The following PDLIM3 variants were observed in gnomAD, a reference collection of about 807,000 sequenced individuals.
PDLIM3 encodes PDZ and LIM domain 3, also known as PDZ and LIM domain protein 3.
A neutral mutation model predicts 37.3 loss-of-function variants in PDLIM3; 36 were observed. The ratio of observed to expected loss-of-function variants is 0.97; its 90% CI spans 0.74 to 1.28. The LOEUF (loss-of-function observed/expected upper bound fraction) is 1.28. Among genes scored for constraint, PDLIM3 ranks in the 50% most tolerant of loss-of-function variants. The pLI is 0.00. For missense variants in PDLIM3, 454 were observed against 485.0 expected (o/e 0.94, Z 0.60); for synonymous variants, 174 against 182.4 (o/e 0.95, Z 0.37).
intron 1 of PDLIM3, among the ~76,000 whole-genome samples, chr4:185,533,800 T>C (rs1442188763): frequency 6.6e-6 from 1 of 152,212 alleles, no homozygotes; most frequent in Non-Finnish European, 1.5e-5. Context: ...CATACGATTA[T>C]ACTATAATAG....
chr4:185,506,795 G>C (rs896817747), intron 5 of PDLIM3, 143 bp from the exon 6 acceptor site: 4 of 708,238 alleles, frequency 5.6e-6, no homozygotes, highest in Non-Finnish European at 9.5e-6. Context: ...TGAATCTCTA[G>C]TATAGTTAAA....
rs2153330466 is a variant in PDLIM3 at position 185,502,149 on chromosome 4, A to T, written c.*145T>A. 11 of 853,808 alleles carry T rather than the reference A, an allele frequency of 1.3e-5. No individual in the cohort carries two copies. The South Asian group carries it at 1.4e-4, about 11-fold the overall frequency. The allele number at this position is 853,808 out of a possible 1,614,324, so 52.9% of individuals were successfully genotyped here. A position where few individuals can be genotyped will look rare whatever the true frequency, so the allele number is the denominator to read the frequency against. On this transcript the variant is annotated 3_prime_UTR_variant, in exon 8 of 8. Transcript: ENST00000284767. ...CATTTGCCTCCCATTCCTTTTCCTC[A>T]ATAAACAATAGGATAAAGGTCTAAA...
chr4:185,514,484 G>C lies in PDLIM3; in HGVS notation c.331-147C>G. 1.3e-6 allele frequency: 2 copies of C among 1,505,072 alleles called. No individual in the cohort carries two copies. 93.2% of individuals were successfully genotyped at this position (1,505,072 alleles called of 1,614,324 possible). A position where few individuals can be genotyped will look rare whatever the true frequency, so the allele number is the denominator to read the frequency against. On this transcript the variant is annotated intron_variant, in intron 3 of 7. Coordinates refer to ENST00000284767, the MANE Select transcript of PDLIM3 (RefSeq NM_014476.6). This position sits in a 1 kb window ranked among gnomAD's most constrained non-coding sequence, Gnocchi z 4.0. ...AAGGCGATGACGGGACCAGGACGATGTCTTCTTTCCAACCATCTATCCGCT... is the reference window on the plus strand; with the variant it reads ...AAGGCGATGACGGGACCAGGACGATCTCTTCTTTCCAACCATCTATCCGCT...
At position 185,513,008 on chromosome 4, in the gene PDLIM3, C is replaced by T. The variant is rs532342903; in HGVS notation, c.398+1262G>A. On this transcript the variant is annotated intron_variant, in intron 4 of 7. Coordinates refer to ENST00000284767, the MANE Select transcript of PDLIM3 (RefSeq NM_014476.6). ...CACTTGCTTGGGAAATGTTGTGCAC[C>T]CTCAGGATTTGATTCCTTTATCCAG... 16 of 985,294 alleles carry T rather than the reference C, an allele frequency of 1.6e-5. No homozygotes were observed. The East Asian group carries it at 1.4e-3, about 84-fold the overall frequency. 61.0% of individuals were successfully genotyped at this position (985,294 alleles called of 1,614,324 possible). A position where few individuals can be genotyped will look rare whatever the true frequency, so the allele number is the denominator to read the frequency against.
At chr4:185,502,576 T>C (rs894362792) in intron 7 of PDLIM3, 93 bp from the exon 8 acceptor site, 3 of 1,182,112 alleles carry the variant, frequency 2.5e-6, no homozygotes, top group East Asian at 2.4e-5. Flanking sequence ...AGATGTTCTC[T>C]ATTTCACAGT....
chr4:185,532,500 G>C (rs186879886), intron 1 of PDLIM3, among the ~76,000 whole-genome samples: 7 of 152,308 alleles, frequency 4.6e-5, no homozygotes, highest in Admixed American at 2.0e-4. Context: ...CAGGCACAGA[G>C]GACAGTGGTG....
At chr4:185,525,530 T>A (rs538525378) in intron 1 of PDLIM3, among the ~76,000 whole-genome samples, 1 of 152,334 alleles carries the variant, frequency 6.6e-6, no homozygotes, top group Non-Finnish European at 1.5e-5. Context: ...TATTTAGGCA[T>A]CTTTTACATT....
intron 2 of PDLIM3, among the ~76,000 whole-genome samples, chr4:185,524,373 A>G (rs2095729067): frequency 6.6e-6 from 1 of 152,220 alleles, no homozygotes. Context: ...CAGGATAAAC[A>G]CACACTAACA....
intron 3 of PDLIM3, among the ~76,000 whole-genome samples, chr4:185,518,862 C>A (rs2095718676): frequency 6.6e-6 from 1 of 152,200 alleles, no homozygotes; most frequent in Admixed American, 6.5e-5. Context: ...TCTTCTCTGG[C>A]AAGGATGCAA....
In PDLIM3 at chr4:185,502,307, T is replaced by C. The variant is rs779267023; in HGVS notation, c.1082A>G (p.Tyr361Cys). 3.7e-6 allele frequency: 6 copies of C among 1,614,118 alleles called. No individual in the cohort carries two copies. The East Asian group carries it at 8.9e-5, about 24-fold the overall frequency. Residue 361 changes from tyrosine (Y) to cysteine (C), a missense_variant, in exon 8 of 8, where the codon TAT becomes TGT. Coordinates refer to ENST00000284767, the MANE Select transcript of PDLIM3 (RefSeq NM_014476.6). ...GCCTGCAGAGACTTAAGCTTTGGGA[T>C]ACAGAGTGACCGTGTCATAGCCCTC... Reference protein sequence around the residue: ...PPEGYDTVTLYPKA With the variant: ...PPEGYDTVTLCPKA
intron 5 of PDLIM3, among the ~76,000 whole-genome samples, chr4:185,508,048 C>T (rs2095700680): frequency 6.6e-6 from 1 of 152,206 alleles, no homozygotes; most frequent in African/African-American, 2.4e-5. Flanking sequence ...ACACATAAAG[C>T]TCTACAGATA....
rs757988386 is a variant in PDLIM3, at chr4:185,524,987, G to T, written c.245+33C>A. 1.2e-4 allele frequency: 189 copies of T among 1,609,456 alleles called. 1 individual carries two copies. In the Admixed American group the frequency reaches 3.1e-3, roughly 26 times the overall value. On this transcript the variant is annotated intron_variant, in intron 2 of 7. Coordinates refer to ENST00000284767, the MANE Select transcript of PDLIM3 (RefSeq NM_014476.6). ...CTGGTTCAGGTTCTCCTGCAAAACAGATCAGATTTAAGCACCATTAGTTAA... is the reference window on the plus strand; with the variant it reads ...CTGGTTCAGGTTCTCCTGCAAAACATATCAGATTTAAGCACCATTAGTTAA...
intron 4 of PDLIM3, among the ~76,000 whole-genome samples, chr4:185,511,863 A>G (rs2095707103): frequency 1.3e-5 from 2 of 152,280 alleles, no homozygotes; most frequent in East Asian, 3.9e-4. Flanking sequence ...TTGTATGCAT[A>G]TATCAAAACA....
In PDLIM3 at chr4:185,506,717, A is replaced by G. The variant is rs2306706; in HGVS notation, c.663-65T>C. ...GGAGGCACCAGACGTGCAAGAGGCCAGAGACATCAATACTCAGCCATTACT... is the reference window on the plus strand; with the variant it reads ...GGAGGCACCAGACGTGCAAGAGGCCGGAGACATCAATACTCAGCCATTACT... On this transcript the variant is annotated intron_variant, in intron 5 of 7. Coordinates refer to ENST00000284767, the MANE Select transcript of PDLIM3 (RefSeq NM_014476.6). The G allele has an allele frequency of 0.15, 225,349 of 1,513,950 alleles. 18,010 individuals are homozygous for G. Among genetic ancestry groups the G allele is most frequent in the Middle Eastern group, 0.28 (1,607 of 5,778 alleles). 93.8% of individuals were successfully genotyped at this position (1,513,950 alleles called of 1,614,324 possible).
At chr4:185,519,453 T>C (rs2153337197) in intron 3 of PDLIM3, among the ~76,000 whole-genome samples, 1 of 152,100 alleles carries the variant, frequency 6.6e-6, no homozygotes, top group South Asian at 2.1e-4. Context: ...ATCTGGCTAA[T>C]TTTTTGTATT....
intron 4 of PDLIM3, chr4:185,512,711 G>A: frequency 1.0e-6 from 1 of 985,086 alleles, no homozygotes; most frequent in African/African-American, 1.7e-5. Context: ...GGTGGACTCA[G>A]TCACACTAAC....
chr4:185,511,421 G>A lies in PDLIM3; in HGVS notation c.398+2849C>T, dbSNP rs532390248. 2.6e-5 allele frequency among the ~76,000 whole-genome samples: 4 copies of A among 151,266 alleles called. No individual in the cohort carries two copies. In the South Asian group the frequency reaches 8.3e-4, roughly 32 times the overall value. On this transcript the variant is annotated intron_variant, in intron 4 of 7. Coordinates refer to ENST00000284767, the MANE Select transcript of PDLIM3 (RefSeq NM_014476.6). ...TCTGTTACCCATCTGGAGTGCAGTG[G>A]TGCAATCTTGGCTCACCGCAACCTC...
rs76738044 is a variant in PDLIM3, at chr4:185,528,441, A to C, written c.94-3270T>G. Among the ~76,000 whole-genome samples the C allele has an allele frequency of 4.1e-3, 632 of 152,368 alleles. 6 individuals are homozygous for C. Among genetic ancestry groups the C allele is most frequent in the African/African-American group, 0.014 (583 of 41,584 alleles). On this transcript the variant is annotated intron_variant, in intron 1 of 7. Transcript: ENST00000284767. Reference sequence around the variant, plus strand: ...TACTGAATATTACTAAAATTTACTAACAATATTAATACTAAATAATACCAT... The same window carrying C: ...TACTGAATATTACTAAAATTTACTACCAATATTAATACTAAATAATACCAT...
intron 1 of PDLIM3, among the ~76,000 whole-genome samples, chr4:185,527,644 C>T (rs1019017557): frequency 1.3e-5 from 2 of 152,118 alleles, no homozygotes; most frequent in Non-Finnish European, 2.9e-5. Context: ...AGTTTCCATC[C>T]CCAAAGTGAC....
Sources: allele counts gnomAD v4.1 joint callset (sites outside exome capture counted in the v4.1 genomes callset), GRCh38; gene constraint gnomAD v4.1.1; non-coding constraint Gnocchi (gnomAD v3.1); transcripts MANE v1.5; gene names NCBI Gene and HGNC (gene_info 2026-07-23, HGNC 2026-07-21).